ARL15: variants seen among roughly 807,000 people sequenced by gnomAD.
The protein encoded by ARL15 is ADP-ribosylation factor-like protein 15.
In ARL15, 19 loss-of-function variants were observed where a neutral mutation model predicts 25.2. The ratio of observed to expected loss-of-function variants is 0.75; its 90% CI spans 0.53 to 1.10. The LOEUF is 1.10. ARL15 is among the 50% of genes least tolerant of loss of function. The probability of loss-of-function intolerance (pLI) is 0.00; values close to 1 mark genes in which losing one functional copy is unlikely to be tolerated. For synonymous variants in ARL15, 94 were observed against 86.8 expected, an observed-to-expected ratio of 1.08 and a Z score of -0.46; for missense variants, 220 against 246.0, an observed-to-expected ratio of 0.89 and a Z score of 0.71.
intron 1 of ARL15, among the ~76,000 whole-genome samples, chr5:54,251,238 C>A (rs1382988812): frequency 6.6e-6 from 1 of 152,126 alleles, no homozygotes; most frequent in Admixed American, 6.5e-5. Context: ...CTGCAAAATT[C>A]TAAGGTGGCC....
chr5:54,234,566 A>T (rs1326286217), intron 1 of ARL15, among the ~76,000 whole-genome samples: 2 of 152,172 alleles, frequency 1.3e-5, no homozygotes, highest in Non-Finnish European at 2.9e-5. Context: ...CACTATTTTA[A>T]TAATGATATG....
At chr5:54,163,344 A>C in intron 2 of ARL15, among the ~76,000 whole-genome samples, 1 of 81,846 alleles carries the variant, frequency 1.2e-5, no homozygotes, top group Admixed American at 1.2e-4. Flanking sequence ...CATGAGGGCT[A>C]TTGGTATGAA....
intron 1 of ARL15, among the ~76,000 whole-genome samples, chr5:54,285,033 ACTTGGAATGAAGGATAAGTAGTTAACT>A (rs1758151531): frequency 6.6e-6 from 1 of 152,236 alleles, no homozygotes; most frequent in African/African-American, 2.4e-5. Context: ...ATAAGGCATA[ACTTGGAATGAAGGATAAGTAGTTAACT>A]ATTTCCAATA....
In ARL15 at chr5:53,886,276, A is replaced by G. The variant is rs544125972; in HGVS notation, c.*285T>C. The stretch of plus-strand genomic sequence containing the variant: ...AATTCCATCCGTTTCAGCACAGAGT[A>G]TAGAAGAGATGCTTAGAACAACAGA... On this transcript the variant is annotated 3_prime_UTR_variant, in exon 5 of 5. Coordinates refer to ENST00000504924, the MANE Select transcript of ARL15 (RefSeq NM_019087.3). 35 of 311,562 alleles carry G rather than the reference A, an allele frequency of 1.1e-4. 2 individuals are homozygous for G. In the South Asian group the frequency reaches 1.3e-3, roughly 11 times the overall value. The allele number at this position is 311,562 out of a possible 1,614,324, so 19.3% of individuals were successfully genotyped here. A position where few individuals can be genotyped will look rare whatever the true frequency, so the allele number is the denominator to read the frequency against.
At chr5:53,967,658 C>T (rs1185713351) in intron 4 of ARL15, among the ~76,000 whole-genome samples, 1 of 152,142 alleles carries the variant, frequency 6.6e-6, no homozygotes, top group Admixed American at 6.5e-5. Flanking sequence ...GTGCTGGATA[C>T]ACAGAGCTGC....
At chr5:53,939,592 A>G (rs888342501) in intron 4 of ARL15, among the ~76,000 whole-genome samples, 15 of 152,054 alleles carry the variant, frequency 9.9e-5, no homozygotes, top group Non-Finnish European at 1.8e-4. Flanking sequence ...AAAATTAGCT[A>G]GGCGTGGTGG....
chr5:53,929,499 C>A (rs1179313339), intron 4 of ARL15, among the ~76,000 whole-genome samples: 1 of 152,146 alleles, frequency 6.6e-6, no homozygotes, highest in African/African-American at 2.4e-5. Context: ...TGTATGCTAG[C>A]AAATAATTAT....
At chr5:54,140,978 T>C (rs1263321655) in intron 3 of ARL15, among the ~76,000 whole-genome samples, 4 of 152,194 alleles carry the variant, frequency 2.6e-5, no homozygotes, top group Non-Finnish European at 5.9e-5. Context: ...TTCTATAAGA[T>C]CTGCACTTTG....
intron 4 of ARL15, among the ~76,000 whole-genome samples, chr5:53,900,143 C>G (rs1372859951): frequency 6.6e-6 from 1 of 152,182 alleles, no homozygotes; most frequent in Non-Finnish European, 1.5e-5. Flanking sequence ...ATATCCCCTG[C>G]TAGTGTGTGC....
chr5:53,944,942 C>T (rs996327645), intron 4 of ARL15, among the ~76,000 whole-genome samples: 3 of 152,170 alleles, frequency 2.0e-5, no homozygotes, highest in Non-Finnish European at 4.4e-5. Context: ...TTCAATACTT[C>T]TAAGGATCCC....
intron 4 of ARL15, among the ~76,000 whole-genome samples, chr5:53,900,704 G>T (rs1450272715): frequency 2.0e-5 from 3 of 152,086 alleles, no homozygotes; most frequent in Non-Finnish European, 4.4e-5. Flanking sequence ...GTTAGTAAAA[G>T]AAGAAAATTG....
intron 4 of ARL15, among the ~76,000 whole-genome samples, chr5:54,102,598 C>T (rs1020242991): frequency 4.6e-5 from 7 of 152,222 alleles, no homozygotes; most frequent in East Asian, 1.9e-4. Context: ...AATATGCTAA[C>T]GCCTGATGAG....
At chr5:53,888,324 A>G (rs1744602110) in intron 4 of ARL15, among the ~76,000 whole-genome samples, 1 of 151,960 alleles carries the variant, frequency 6.6e-6, no homozygotes, top group Admixed American at 6.6e-5. Flanking sequence ...TCTGTCACCC[A>G]GGCTGGAGTG....
intron 1 of ARL15, among the ~76,000 whole-genome samples, chr5:54,291,801 T>C (rs1758324319): frequency 6.6e-6 from 1 of 152,198 alleles, no homozygotes; most frequent in Middle Eastern, 3.2e-3. Flanking sequence ...CACCTCCTGC[T>C]TAAAACTATT....
At chr5:53,904,522 G>A (rs2111953042) in intron 4 of ARL15, among the ~76,000 whole-genome samples, 1 of 152,200 alleles carries the variant, frequency 6.6e-6, no homozygotes, top group South Asian at 2.1e-4. Context: ...GATTGAGAGG[G>A]AAAGATGCAG....
chr5:54,217,215 T>TAA (rs1334045702), intron 1 of ARL15, among the ~76,000 whole-genome samples: 54 of 123,542 alleles, frequency 4.4e-4, no homozygotes, highest in Admixed American at 1.4e-3. Context: ...TTTTTTTTTT[T>TAA]AAAAAGGGAG....
intron 4 of ARL15, among the ~76,000 whole-genome samples, chr5:54,028,008 C>T (rs2111875232): frequency 6.6e-6 from 1 of 152,144 alleles, no homozygotes; most frequent in Non-Finnish European, 1.5e-5. Flanking sequence ...GCTCCACCTC[C>T]TGGGTTCATG....
chr5:54,267,814 G>C (rs1757670260), intron 1 of ARL15, among the ~76,000 whole-genome samples: 1 of 152,136 alleles, frequency 6.6e-6, no homozygotes, highest in East Asian at 1.9e-4. Flanking sequence ...CTTCTCGCTT[G>C]TAGAGTTTCT....
chr5:54,180,522 G>C (rs1048515574), intron 1 of ARL15, among the ~76,000 whole-genome samples: 3 of 152,188 alleles, frequency 2.0e-5, no homozygotes, highest in East Asian at 3.8e-4. Flanking sequence ...CCTATGTTTT[G>C]AGGTGGAAAT....
Sources: allele counts gnomAD v4.1 joint callset (sites outside exome capture counted in the v4.1 genomes callset), GRCh38; gene constraint gnomAD v4.1.1; transcripts MANE v1.5; gene names NCBI Gene and HGNC (gene_info 2026-07-23, HGNC 2026-07-21).